Variants in TSHZ2 observed in about 807,000 individuals in gnomAD.
TSHZ2 encodes teashirt zinc finger homeobox 2, also known as teashirt homolog 2.
TSHZ2 carries 21 observed loss-of-function variants against 74.4 expected under a neutral mutation model. The ratio of observed to expected loss-of-function variants is 0.28; its 90% confidence interval spans 0.20 to 0.41. TSHZ2 has a LOEUF of 0.41. Ranked by LOEUF, TSHZ2 falls within the 10% of genes least tolerant of loss-of-function variation. The pLI, the probability that TSHZ2 is intolerant of heterozygous loss-of-function variation, is 1.00. For missense variants in TSHZ2, 1,244 were observed against 1,293.5 expected, an observed-to-expected ratio of 0.96 and a Z score of 0.59; for synonymous variants, 540 against 515.3, an observed-to-expected ratio of 1.05 and a Z score of -0.65.
intron 2 of TSHZ2, among the ~76,000 whole-genome samples, chr20:53,339,490 C>T (rs1191712483): frequency 6.6e-6 from 1 of 152,218 alleles, no homozygotes; most frequent in African/African-American, 2.4e-5. Context: ...CTCCGTCCTT[C>T]TCACACTGGG....
chr20:53,253,789 C>A lies in TSHZ2; in HGVS notation c.331C>A (p.His111Asn), dbSNP rs370998495. ...TGCCTCAGACAAGAAAGCACACACT[C>A]ACGTCAGGCTTCCAAACGAAGCACA... ...RDASDKKAHT[H>N]VRLPNEAHNC... Residue 111 changes from histidine to asparagine, a missense_variant, in exon 2 of 3, where the codon CAC (histidine) becomes AAC (asparagine). Physicochemically the swap from His to Asn is moderately conservative, Grantham distance 68. Transcript: ENST00000371497. 1.2e-5 allele frequency: 19 copies of A among 1,614,076 alleles called. No individual in the cohort carries two copies. In the South Asian group the frequency reaches 1.4e-4, roughly 12 times the overall value.
intron 2 of TSHZ2, among the ~76,000 whole-genome samples, chr20:53,327,812 C>A (rs924809343): frequency 1.3e-5 from 2 of 152,232 alleles, no homozygotes; most frequent in East Asian, 3.9e-4. Flanking sequence ...GGCTAGGGAG[C>A]CTGGGTGGAA....
chr20:53,094,594 C>T (rs1985982887), intron 1 of TSHZ2, among the ~76,000 whole-genome samples: 1 of 152,194 alleles, frequency 6.6e-6, no homozygotes, highest in African/African-American at 2.4e-5. Flanking sequence ...GGGCCTTTCT[C>T]CCCACGGTGC....
intron 2 of TSHZ2, among the ~76,000 whole-genome samples, chr20:53,463,913 A>C (rs1427673369): frequency 1.3e-5 from 2 of 152,212 alleles, no homozygotes; most frequent in Non-Finnish European, 2.9e-5. Context: ...GGTAAAACAC[A>C]GGCTCCCTAT....
chr20:53,183,306 A>G (rs1988525542), intron 1 of TSHZ2, among the ~76,000 whole-genome samples: 1 of 152,176 alleles, frequency 6.6e-6, no homozygotes, highest in African/African-American at 2.4e-5. Flanking sequence ...AGATTGATTG[A>G]AAAAGCACAA....
At chr20:53,018,047 T>G (rs919620638) in intron 1 of TSHZ2, among the ~76,000 whole-genome samples, 9 of 152,160 alleles carry the variant, frequency 5.9e-5, no homozygotes, top group African/African-American at 2.2e-4. Flanking sequence ...AAGGAAAACA[T>G]CACATTCAAA....
chr20:52,994,443 T>C (rs1035456613), intron 1 of TSHZ2, among the ~76,000 whole-genome samples: 14 of 143,048 alleles, frequency 9.8e-5, no homozygotes, highest in African/African-American at 3.5e-4. Context: ...GATGAGTGAA[T>C]GAATGGACGG....
intron 1 of TSHZ2, among the ~76,000 whole-genome samples, chr20:53,166,031 C>A (rs1328387662): frequency 6.6e-6 from 1 of 152,164 alleles, no homozygotes; most frequent in Non-Finnish European, 1.5e-5. Context: ...TCTGTGAACT[C>A]TTTGTTCCTG....
At chr20:53,353,835 A>G (rs890414243) in intron 2 of TSHZ2, among the ~76,000 whole-genome samples, 1 of 152,248 alleles carries the variant, frequency 6.6e-6, no homozygotes, top group African/African-American at 2.4e-5. Flanking sequence ...ACGAATGGAC[A>G]TTAAGCATCA....
At chr20:53,142,384 G>A (rs892646976) in intron 1 of TSHZ2, among the ~76,000 whole-genome samples, 6 of 152,178 alleles carry the variant, frequency 3.9e-5, no homozygotes, top group East Asian at 3.9e-4. Flanking sequence ...AAATGCCCAG[G>A]AGGAAAAAGG....
chr20:53,442,623 C>T (rs914753580), intron 2 of TSHZ2, among the ~76,000 whole-genome samples: 5 of 152,282 alleles, frequency 3.3e-5, no homozygotes, highest in African/African-American at 9.6e-5. Flanking sequence ...GATCGCTCAT[C>T]GCTCTGTGAT....
chr20:53,224,129 G>T (rs1460889694), intron 1 of TSHZ2, among the ~76,000 whole-genome samples: 4 of 152,114 alleles, frequency 2.6e-5, no homozygotes, highest in Admixed American at 6.6e-5. Context: ...AGAAAAAGTT[G>T]AAAAATACAT....
chr20:53,017,137 G>A (rs1297558681), intron 1 of TSHZ2, among the ~76,000 whole-genome samples: 5 of 152,292 alleles, frequency 3.3e-5, no homozygotes, highest in East Asian at 1.9e-4. Context: ...GTTCAGATCT[G>A]TGCTCATTGC....
rs150260645 is a variant in TSHZ2 at position 53,342,298 on chromosome 20, CTTT to C, written c.*8+85745_*8+85747del. Among the ~76,000 whole-genome samples the C allele has an allele frequency of 2.5e-3, 288 of 115,326 alleles. 2 individuals carry two copies. The highest frequency in any genetic ancestry group is 9.1e-3 in the Middle Eastern group (2 of 220). The allele number at this position is 115,326 out of a possible 152,430, so 75.7% of individuals were successfully genotyped here. ...TTGTTGGCAGTAATATCTTCTCAGG[CTTT>C]TTTTTTTTTTTTTTTTTAATGATGA... On this transcript the variant is annotated intron_variant, in intron 2 of 2. Transcript: ENST00000371497.
At chr20:53,354,613 T>C (rs200631) in intron 2 of TSHZ2, among the ~76,000 whole-genome samples, 133,089 of 152,180 alleles carry the variant, frequency 0.87, 58,595 homozygotes, top group African/African-American at 0.96. Flanking sequence ...TAATTATATA[T>C]GTCTTGCCTG....
At chr20:53,472,016 G>A (rs1240565204) in intron 2 of TSHZ2, among the ~76,000 whole-genome samples, 3 of 152,030 alleles carry the variant, frequency 2.0e-5, no homozygotes, top group Non-Finnish European at 4.4e-5. Context: ...TGTTGGTCAG[G>A]CTGGTCTCAA....
chr20:53,453,332 A>C (rs1485284403), intron 2 of TSHZ2, among the ~76,000 whole-genome samples: 1 of 152,110 alleles, frequency 6.6e-6, no homozygotes, highest in Non-Finnish European at 1.5e-5. Context: ...TTGCCAGCAA[A>C]CTCCATTTTT....
At chr20:53,178,864 T>G (rs1438220155) in intron 1 of TSHZ2, 1 of 152,248 alleles carries the variant, frequency 6.6e-6, no homozygotes, top group Non-Finnish European at 1.5e-5. Flanking sequence ...AGCTATATCC[T>G]TTTTCATTTT....
intron 2 of TSHZ2, among the ~76,000 whole-genome samples, chr20:53,483,620 T>A (rs1013696955): frequency 3.3e-5 from 5 of 152,142 alleles, no homozygotes; most frequent in African/African-American, 1.2e-4. Context: ...TCAGGTATAT[T>A]TGTGAATCTT....
Sources: allele counts gnomAD v4.1 joint callset (sites outside exome capture counted in the v4.1 genomes callset), GRCh38; gene constraint gnomAD v4.1.1; transcripts MANE v1.5; gene names NCBI Gene and HGNC (gene_info 2026-07-23, HGNC 2026-07-21).